Variants in RAB27B observed in about 807,000 individuals in gnomAD.
RAB27B encodes RAB27B, member RAS oncogene family.
Under a neutral mutation model 24.6 loss-of-function variants are expected in RAB27B, and 15 were observed. The observed-to-expected ratio is 0.61, with a 90% CI of 0.41 to 0.94. The LOEUF (loss-of-function observed/expected upper bound fraction) is 0.94. Ranked by LOEUF, RAB27B falls within the 40% of genes least tolerant of loss-of-function variation. RAB27B has a pLI of 0.00. For synonymous variants in RAB27B, 105 were observed against 92.5 expected, an observed-to-expected ratio of 1.14 and a Z score of -0.78; for missense variants, 261 against 266.8, an observed-to-expected ratio of 0.98 and a Z score of 0.15.
chr18:54,775,056 A>G (rs1006121659), intron 2 of RAB27B, among the ~76,000 whole-genome samples: 3 of 152,208 alleles, frequency 2.0e-5, no homozygotes, highest in Admixed American at 6.5e-5. Context: ...CCTGGGAGGA[A>G]CTTGGCCTCT....
At chr18:54,860,050 A>G (rs188128645) in intron 1 of RAB27B, among the ~76,000 whole-genome samples, 1 of 152,220 alleles carries the variant, frequency 6.6e-6, no homozygotes, top group Non-Finnish European at 1.5e-5. Context: ...ATAATAATTG[A>G]TTAATTGTTT....
At chr18:54,843,561 T>G (rs970635452) in intron 1 of RAB27B, among the ~76,000 whole-genome samples, 1 of 152,230 alleles carries the variant, frequency 6.6e-6, no homozygotes, top group Non-Finnish European at 1.5e-5. Context: ...GCACGACATC[T>G]GCTGATCAAT....
At chr18:54,753,480 C>G (rs998502365) in intron 2 of RAB27B, among the ~76,000 whole-genome samples, 1 of 152,138 alleles carries the variant, frequency 6.6e-6, no homozygotes, top group Non-Finnish European at 1.5e-5. Context: ...GATAATACAT[C>G]TAATGTACCC....
intron 1 of RAB27B, among the ~76,000 whole-genome samples, chr18:54,877,260 C>A (rs575783264): frequency 6.6e-6 from 1 of 152,108 alleles, no homozygotes; most frequent in African/African-American, 2.4e-5. Flanking sequence ...AAACCTCATT[C>A]CTTTATAAAC....
chr18:54,735,221 A>G (rs1909852030), intron 2 of RAB27B, among the ~76,000 whole-genome samples: 1 of 152,162 alleles, frequency 6.6e-6, no homozygotes, highest in Non-Finnish European at 1.5e-5. Flanking sequence ...AATGAGACAA[A>G]CTAAGTGCAT....
chr18:54,851,686 C>CT (rs1240399822), intron 1 of RAB27B, among the ~76,000 whole-genome samples: 17 of 151,656 alleles, frequency 1.1e-4, no homozygotes, highest in Non-Finnish European at 1.5e-4. Flanking sequence ...GCTTTTTTTT[C>CT]TTTTTTTTCT....
intron 2 of RAB27B, among the ~76,000 whole-genome samples, chr18:54,813,468 C>A (rs956831005): frequency 3.9e-5 from 6 of 152,094 alleles, no homozygotes; most frequent in African/African-American, 1.4e-4. Flanking sequence ...CGTGCCCTCC[C>A]CATGGTAATG....
At chr18:54,758,341 G>A (rs550773377) in intron 2 of RAB27B, among the ~76,000 whole-genome samples, 48 of 152,120 alleles carry the variant, frequency 3.2e-4, no homozygotes, top group Non-Finnish European at 5.7e-4. Context: ...AGTAACTGTG[G>A]ATGATATGAA....
chr18:54,877,836 C>A, intron 2 of RAB27B, 98 bp downstream of exon 2: 1 of 1,242,994 alleles, frequency 8.0e-7, no homozygotes, highest in Non-Finnish European at 1.1e-6. Context: ...TGTCTTTTGT[C>A]ACACGAAATT....
chr18:54,866,780 A>G (rs1912245678), intron 1 of RAB27B, among the ~76,000 whole-genome samples: 1 of 152,162 alleles, frequency 6.6e-6, no homozygotes, highest in African/African-American at 2.4e-5. Flanking sequence ...ACTGGGAGCC[A>G]AACCATTTTT....
At chr18:54,818,452 A>C (rs1273886631) in intron 2 of RAB27B, among the ~76,000 whole-genome samples, 1 of 152,172 alleles carries the variant, frequency 6.6e-6, no homozygotes, top group East Asian at 1.9e-4. Flanking sequence ...GCTTATACAA[A>C]TGATGAAGTT....
Position 54,877,638 on chromosome 18 carries a change from C to T in RAB27B, c.53C>T (p.Ser18Leu). 6.3e-7 allele frequency: 1 copy of T among 1,595,172 alleles called. No individual in the cohort carries two copies. The highest frequency in any genetic ancestry group is 1.4e-5 in the African/African-American group (1 of 73,664). ...ATCAAACTCCTGGCCCTCGGGGATT[C>T]AGGGGTGGGGAAGACAACATTTCTT... ...YLIKLLALGDSGVGKTTFLYR... is the reference protein window; with the variant it reads ...YLIKLLALGDLGVGKTTFLYR... Residue 18 changes from serine (S) to leucine (L), a missense_variant, in exon 2 of 6, where the codon TCA becomes TTA. Coordinates refer to ENST00000262094, the MANE Select transcript of RAB27B (RefSeq NM_004163.4).
At chr18:54,796,792 G>T (rs1909435302) in intron 2 of RAB27B, among the ~76,000 whole-genome samples, 1 of 152,154 alleles carries the variant, frequency 6.6e-6, no homozygotes, top group African/African-American at 2.4e-5. Flanking sequence ...TTCTCACTTA[G>T]GTCTGCAAAC....
At position 54,819,033 on chromosome 18, in the gene RAB27B, A is replaced by G. The variant is rs181649117; in HGVS notation, c.-19-58534A>G. ...ATGAAATCTGTAGCTAAAAAAATCCATAGAACAGAAACCTACTTATTGTTT... is the reference window on the plus strand; with the variant it reads ...ATGAAATCTGTAGCTAAAAAAATCCGTAGAACAGAAACCTACTTATTGTTT... On this transcript the variant is annotated intron_variant, in intron 2 of 4. Coordinates refer to the RAB27B transcript ENST00000586570. 1.8e-3 allele frequency among the ~76,000 whole-genome samples: 276 copies of G among 151,852 alleles called. 1 individual carries two copies. Among genetic ancestry groups the G allele is most frequent in the Admixed American group, 3.3e-3 (50 of 15,242 alleles).
At chr18:54,873,370 C>T (rs1021536180) in intron 1 of RAB27B, among the ~76,000 whole-genome samples, 5 of 152,200 alleles carry the variant, frequency 3.3e-5, no homozygotes, top group African/African-American at 4.8e-5. Context: ...TGTGATACCA[C>T]GATAAAGACT....
At chr18:54,856,402 G>T (rs1223417835) in intron 1 of RAB27B, among the ~76,000 whole-genome samples, 1 of 152,228 alleles carries the variant, frequency 6.6e-6, no homozygotes, top group African/African-American at 2.4e-5. Context: ...AGCCAGACAA[G>T]TGGCTTTAGG....
chr18:54,748,035 A>T (rs1019707642), intron 2 of RAB27B, among the ~76,000 whole-genome samples: 8 of 152,068 alleles, frequency 5.3e-5, no homozygotes, highest in Admixed American at 4.6e-4. Flanking sequence ...GAGCCCAGGG[A>T]AGTGAAGGTT....
chr18:54,804,427 T>C (rs1598916438), intron 2 of RAB27B, among the ~76,000 whole-genome samples: 1 of 152,206 alleles, frequency 6.6e-6, no homozygotes, highest in Non-Finnish European at 1.5e-5. Context: ...CTTCTTCATT[T>C]TCTCTTGCTG....
chr18:54,817,539 T>C (rs2145159909), intron 2 of RAB27B, among the ~76,000 whole-genome samples: 1 of 152,286 alleles, frequency 6.6e-6, no homozygotes, highest in East Asian at 1.9e-4. Flanking sequence ...TTGTCGGAAA[T>C]CTGGATTAGT....
Sources: allele counts gnomAD v4.1 joint callset (sites outside exome capture counted in the v4.1 genomes callset), GRCh38; gene constraint gnomAD v4.1.1; transcripts MANE v1.5; gene names NCBI Gene and HGNC (gene_info 2026-07-23, HGNC 2026-07-21).